The following WDPCP variants were observed in gnomAD, a reference collection of about 807,000 sequenced individuals.
The protein encoded by WDPCP is WD repeat-containing and planar cell polarity effector protein fritz homolog.
WDPCP carries 71 observed loss-of-function variants against 93.1 expected under a neutral mutation model. The ratio of observed to expected loss-of-function variants is 0.76; its 90% CI spans 0.63 to 0.93. The LOEUF is 0.93. Among genes scored for constraint, WDPCP ranks in the 40% least tolerant of loss-of-function variants. The probability of loss-of-function intolerance (pLI) is 0.00; values close to 1 mark genes in which losing one functional copy is unlikely to be tolerated. For synonymous variants in WDPCP, 315 were observed against 315.0 expected, an observed-to-expected ratio of 1.00 and a Z score of 0.00; for missense variants, 844 against 887.4, an observed-to-expected ratio of 0.95 and a Z score of 0.62.
At chr2:63,548,337 A>G (rs1282425971) in intron 1 of WDPCP, among the ~76,000 whole-genome samples, 1 of 152,208 alleles carries the variant, frequency 6.6e-6, no homozygotes, top group Admixed American at 6.5e-5. Context: ...TTATAATGAC[A>G]GAGGTTCAAC....
chr2:63,230,338 A>T (rs1411379822), intron 14 of WDPCP, among the ~76,000 whole-genome samples: 7 of 151,990 alleles, frequency 4.6e-5, no homozygotes, highest in Non-Finnish European at 8.8e-5. Context: ...TCTATCATTG[A>T]TGGACATTTG....
intron 1 of WDPCP, among the ~76,000 whole-genome samples, chr2:63,548,378 T>C (rs2106340399): frequency 6.6e-6 from 1 of 152,224 alleles, no homozygotes; most frequent in Non-Finnish European, 1.5e-5. Flanking sequence ...AGAATTAATA[T>C]GCATCCAATA....
At chr2:63,761,101 C>T (rs1296896062) in intron 2 of WDPCP, among the ~76,000 whole-genome samples, 1 of 152,138 alleles carries the variant, frequency 6.6e-6, no homozygotes, top group Admixed American at 6.5e-5. Flanking sequence ...CAAACTTAAT[C>T]CCAAATGCAA....
intron 2 of WDPCP, 49 bp downstream of exon 2, chr2:63,492,807 T>C (rs776746581): frequency 3.3e-6 from 5 of 1,523,074 alleles, no homozygotes; most frequent in African/African-American, 1.4e-5. Context: ...TTATTTATAA[T>C]GGTGTAACAT....
At chr2:63,735,976 T>C (rs1022004511) in intron 2 of WDPCP, among the ~76,000 whole-genome samples, 2 of 152,234 alleles carry the variant, frequency 1.3e-5, no homozygotes, top group African/African-American at 4.8e-5. Flanking sequence ...TTGAAATACT[T>C]AATCCATCAT....
intron 17 of WDPCP, among the ~76,000 whole-genome samples, chr2:63,124,581 T>C (rs2153395454): frequency 6.6e-6 from 1 of 152,282 alleles, no homozygotes; most frequent in Admixed American, 6.5e-5. Context: ...GTGGCTCACT[T>C]AATGCAGATT....
At chr2:63,648,073 T>C (rs572134290) in intron 3 of WDPCP, among the ~76,000 whole-genome samples, 1 of 152,274 alleles carries the variant, frequency 6.6e-6, no homozygotes, top group African/African-American at 2.4e-5. Flanking sequence ...AAAGGAACAC[T>C]CTTCTGGTTA....
At chr2:63,628,197 T>G (rs1709830554) in intron 3 of WDPCP, among the ~76,000 whole-genome samples, 2 of 152,166 alleles carry the variant, frequency 1.3e-5, no homozygotes, top group Admixed American at 6.5e-5. Context: ...ATATATAGTC[T>G]ATATACCAGC....
rs59260856 is a variant in WDPCP, at chr2:63,458,228, GAA to G, written c.385-18359_385-18358del. 1.7e-3 allele frequency among the ~76,000 whole-genome samples: 239 copies of G among 136,806 alleles called. 1 individual carries two copies. Among genetic ancestry groups the G allele is most frequent in the Middle Eastern group, 0.011 (3 of 266 alleles). 89.8% of individuals were successfully genotyped at this position (136,806 alleles called of 152,430 possible). On this transcript the variant is annotated intron_variant, in intron 6 of 17. Coordinates refer to ENST00000272321, the MANE Select transcript of WDPCP (RefSeq NM_015910.7). Reference sequence around the variant, plus strand: ...AGTCCTAGACAGAGCAGTCAGGCAAGAAAAAAAAAAAAAAAATCAAAGGCATT... The same window carrying G: ...AGTCCTAGACAGAGCAGTCAGGCAAGAAAAAAAAAAAAAATCAAAGGCATT...
At chr2:63,397,225 A>G (rs1473371911) in intron 10 of WDPCP, among the ~76,000 whole-genome samples, 1 of 152,152 alleles carries the variant, frequency 6.6e-6, no homozygotes, top group African/African-American at 2.4e-5. Flanking sequence ...AATCGATAGG[A>G]TTTGGTCACT....
chr2:63,470,406 T>G (rs1471377050), intron 6 of WDPCP, among the ~76,000 whole-genome samples: 1 of 152,190 alleles, frequency 6.6e-6, no homozygotes, highest in African/African-American at 2.4e-5. Context: ...CTTCTCAATC[T>G]TCCCCACATC....
intron 17 of WDPCP, among the ~76,000 whole-genome samples, chr2:63,125,701 G>A (rs1345642159): frequency 6.6e-6 from 1 of 151,582 alleles, no homozygotes; most frequent in African/African-American, 2.4e-5. Flanking sequence ...TCCGCTTCCC[G>A]GGTTCAAGCA....
intron 12 of WDPCP, among the ~76,000 whole-genome samples, chr2:63,355,118 G>A (rs564463486): frequency 6.6e-6 from 1 of 152,088 alleles, no homozygotes; most frequent in Admixed American, 6.5e-5. Context: ...CACACAAGAA[G>A]AACATCCACA....
chr2:63,675,703 G>A (rs1458078264), intron 2 of WDPCP, among the ~76,000 whole-genome samples: 2 of 152,018 alleles, frequency 1.3e-5, no homozygotes, highest in Admixed American at 6.6e-5. Flanking sequence ...AAATAAAAAT[G>A]TTTTCAGCCT....
chr2:63,629,792 C>A (rs1709845405), intron 3 of WDPCP, among the ~76,000 whole-genome samples: 1 of 152,238 alleles, frequency 6.6e-6, no homozygotes, highest in Non-Finnish European at 1.5e-5. Flanking sequence ...GTGCCCCCAC[C>A]CTTCCTGCCG....
intron 15 of WDPCP, among the ~76,000 whole-genome samples, chr2:63,155,719 T>G (rs996040088): frequency 6.6e-6 from 1 of 152,256 alleles, no homozygotes; most frequent in African/African-American, 2.4e-5. Flanking sequence ...TAAATGGCCC[T>G]TCACAGAAAA....
At chr2:63,555,408 T>TC (rs58773164) in intron 1 of WDPCP, among the ~76,000 whole-genome samples, 123,916 of 152,212 alleles carry the variant, frequency 0.81, 51,238 homozygotes, top group East Asian at 0.98. Context: ...ACTTAGTTTT[T>TC]CCCCTGCTGT....
chr2:63,652,933 A>T (rs1710124427), intron 2 of WDPCP, among the ~76,000 whole-genome samples: 1 of 152,226 alleles, frequency 6.6e-6, no homozygotes, highest in Non-Finnish European at 1.5e-5. Flanking sequence ...ACTACCGGTA[A>T]AAAACCTAGA....
chr2:63,780,981 C>T (rs978237561), intron 2 of WDPCP, among the ~76,000 whole-genome samples: 1 of 152,176 alleles, frequency 6.6e-6, no homozygotes, highest in African/African-American at 2.4e-5. Flanking sequence ...AATAAAACCA[C>T]TTCAGAAATG....
Sources: gnomAD v4.1 joint callset for allele counts (sites outside exome capture counted in the v4.1 genomes callset) on GRCh38, gnomAD v4.1.1 for gene constraint, MANE v1.5 for transcripts, NCBI Gene and HGNC (gene_info 2026-07-23, HGNC 2026-07-21) for gene names.